Variants in KAT6B observed in about 807,000 individuals in gnomAD.
KAT6B encodes lysine acetyltransferase 6B, also known as histone acetyltransferase KAT6B.
Under a neutral mutation model 187.5 loss-of-function variants are expected in KAT6B, and 10 were observed. That is an observed-to-expected ratio of 0.05 (90% CI 0.03 to 0.09). KAT6B has a LOEUF of 0.09. KAT6B is among the 10% of genes least tolerant of loss of function. KAT6B has a pLI of 1.00. For missense variants in KAT6B, 1,952 were observed against 2,558.9 expected (o/e 0.76, Z 5.12); for synonymous variants, 861 against 926.8 (o/e 0.93, Z 1.29).
In KAT6B at chr10:75,032,160, T is replaced by C. The variant is rs1846357771; in HGVS notation, c.*1114T>C. 5.1e-6 allele frequency: 1 copy of C among 196,068 alleles called. No homozygotes were observed. Among genetic ancestry groups the C allele is most frequent in the Non-Finnish European group, 1.1e-5 (1 of 94,196 alleles). The allele number at this position is 196,068 out of a possible 1,614,324, so 12.1% of individuals were successfully genotyped here. On this transcript the variant is annotated 3_prime_UTR_variant, in exon 18 of 18. Transcript: ENST00000287239. ...GGCCAAGCAGGAGAGGCGTAATCCT[T>C]GTATAAAATAGGATCCAGCGACACT...
intron 10 of KAT6B, among the ~76,000 whole-genome samples, chr10:74,981,338 CCTTTCTTCCTTTCT>C (rs1564603725): frequency 2.0e-5 from 3 of 148,004 alleles, no homozygotes; most frequent in African/African-American, 5.1e-5. Context: ...TTCCTTCCTT[CCTTTCTTCCTTTCT>C]TTCCTTTCTT....
chr10:74,865,809 AC>A (rs1843512935), intron 3 of KAT6B, among the ~76,000 whole-genome samples: 1 of 152,098 alleles, frequency 6.6e-6, no homozygotes, highest in African/African-American at 2.4e-5. Flanking sequence ...GAGCCACTGC[AC>A]CCAGCCCCTG....
Position 74,934,654 on chromosome 10 carries a change from T to C in KAT6B, c.622-25316T>C, listed in dbSNP as rs548775570. Reference sequence around the variant, plus strand: ...CTCCCTCCATTCATTCATTTTCAGTTCCTCTAGGCAGCACCTTCTTCCTTG... The same window carrying C: ...CTCCCTCCATTCATTCATTTTCAGTCCCTCTAGGCAGCACCTTCTTCCTTG... On this transcript the variant is annotated intron_variant, in intron 3 of 17. Coordinates refer to ENST00000287239, the MANE Select transcript of KAT6B (RefSeq NM_012330.4). Among the ~76,000 whole-genome samples, 11 of 152,264 alleles carry C rather than the reference T, an allele frequency of 7.2e-5. No individual in the cohort carries two copies. The South Asian group carries it at 2.3e-3, about 32-fold the overall frequency.
chr10:74,932,838 A>C (rs1312834031), intron 3 of KAT6B, among the ~76,000 whole-genome samples: 3 of 152,138 alleles, frequency 2.0e-5, no homozygotes, highest in Non-Finnish European at 4.4e-5. Flanking sequence ...GAACTCCTGG[A>C]TCCGTGCCAC....
At chr10:74,835,713 G>C (rs1158189311) in intron 1 of KAT6B, among the ~76,000 whole-genome samples, 1 of 152,156 alleles carries the variant, frequency 6.6e-6, no homozygotes, top group Non-Finnish European at 1.5e-5. Context: ...AAAGTTTACT[G>C]ATAATCTATG....
intron 17 of KAT6B, chr10:75,025,578 T>A (rs1423229180): frequency 2.0e-5 from 6 of 294,176 alleles, no homozygotes; most frequent in Non-Finnish European, 3.9e-5. Context: ...TACTTTTTTT[T>A]TTCACATTTA....
Position 75,028,595 on chromosome 10 carries a change from T to C in KAT6B, c.3771T>C (p.Ser1257=), listed in dbSNP as rs770280505. Residue 1257 remains serine, a synonymous_variant, in exon 18 of 18, where the codon TCT becomes TCC. Coordinates refer to ENST00000287239, the MANE Select transcript of KAT6B (RefSeq NM_012330.4). ...CAAAAGGAACAAAGCGCGGTCTATC[T>C]AAGTGGAGGCAAAACAAAGAGAGGA... is the stretch of plus-strand genomic sequence containing the variant. ...VWPKGTKRGL[S]KWRQNKERKT... 1.2e-6 allele frequency: 2 copies of C among 1,614,150 alleles called. No individual in the cohort carries two copies. The highest frequency in any genetic ancestry group is 1.1e-5 in the South Asian group (1 of 91,078).
intron 4 of KAT6B, among the ~76,000 whole-genome samples, chr10:74,968,858 CT>C (rs1841660770): frequency 1.3e-5 from 2 of 152,186 alleles, no homozygotes; most frequent in South Asian, 4.1e-4. Flanking sequence ...TGGCTGGCTC[CT>C]TTGAATGGCA....
chr10:74,948,746 G>A (rs762214261), intron 3 of KAT6B, among the ~76,000 whole-genome samples: 11 of 152,152 alleles, frequency 7.2e-5, no homozygotes, highest in Non-Finnish European at 1.5e-4. Context: ...TTGTTGTTAT[G>A]CCTATCCTTT....
At chr10:74,826,118 C>G (rs1488023949), upstream of KAT6B, among the ~76,000 whole-genome samples, 5 of 146,306 alleles carry the variant, frequency 3.4e-5, no homozygotes, top group African/African-American at 1.3e-4. Context: ...CAAACTTTAG[C>G]TGCGGGCTAG....
At chr10:74,830,981 G>T (rs1265595349) in intron 1 of KAT6B, among the ~76,000 whole-genome samples, 4 of 150,726 alleles carry the variant, frequency 2.7e-5, no homozygotes, top group Admixed American at 6.6e-5. Flanking sequence ...TAGAGATGGG[G>T]TTTTGCCATG....
intron 3 of KAT6B, among the ~76,000 whole-genome samples, chr10:74,939,950 A>T (rs77900726): frequency 2.0e-5 from 3 of 152,202 alleles, no homozygotes; most frequent in African/African-American, 7.2e-5. Context: ...AATAACATCA[A>T]TATTAATTAG....
rs150041251 is a variant in KAT6B, at chr10:74,974,290, T to C, written c.1062-1109T>C. ...TCAACTAACAGCTGAAATCTGGTCA[T>C]TAAATCTTTGTATACAAGATGATCA... On this transcript the variant is annotated intron_variant, in intron 7 of 17. Transcript: ENST00000287239. Among the ~76,000 whole-genome samples, 706 of 152,348 alleles carry C rather than the reference T, an allele frequency of 4.6e-3. 6 individuals are homozygous for C. Among genetic ancestry groups the C allele is most frequent in the African/African-American group, 0.016 (675 of 41,578 alleles).
intron 13 of KAT6B, among the ~76,000 whole-genome samples, chr10:75,014,629 A>G (rs1844855539): frequency 6.6e-6 from 1 of 152,216 alleles, no homozygotes; most frequent in Non-Finnish European, 1.5e-5. Context: ...TTTAAAGTAT[A>G]AACCATTGCT....
chr10:74,942,680 G>A (rs920257789), intron 3 of KAT6B, among the ~76,000 whole-genome samples: 14 of 144,776 alleles, frequency 9.7e-5, no homozygotes, highest in Admixed American at 2.1e-4. Flanking sequence ...CAGGAGAATC[G>A]CTTGAACCCG....
chr10:74,901,855 T>C (rs912523977), intron 3 of KAT6B, among the ~76,000 whole-genome samples: 3 of 152,190 alleles, frequency 2.0e-5, no homozygotes, highest in African/African-American at 7.2e-5. Context: ...TTTAGACATA[T>C]AGAAGTAATG....
rs570217905 is a variant in KAT6B at position 74,974,397 on chromosome 10, C to T, written c.1062-1002C>T. On this transcript the variant is annotated intron_variant, in intron 7 of 17. Transcript: ENST00000287239. ...TATCTTTTTAAGGCTTTCATTTTGT[C>T]ATTATTCACCTTTAGCTAAATTGAT... Among the ~76,000 whole-genome samples, 29 of 152,242 alleles carry T rather than the reference C, an allele frequency of 1.9e-4. 1 individual carries two copies. The highest frequency in any genetic ancestry group is 1.6e-3 in the Admixed American group (25 of 15,294).
intron 3 of KAT6B, among the ~76,000 whole-genome samples, chr10:74,871,996 A>T (rs1589518772): frequency 6.6e-6 from 1 of 152,238 alleles, no homozygotes; most frequent in East Asian, 1.9e-4. Flanking sequence ...CAGGTCCTTT[A>T]AAAATCAAAG....
chr10:74,931,940 G>A (rs1379003082), intron 3 of KAT6B, among the ~76,000 whole-genome samples: 1 of 152,172 alleles, frequency 6.6e-6, no homozygotes, highest in African/African-American at 2.4e-5. Context: ...TCAAACTCCC[G>A]ATCTCAAGTA....
Sources: allele counts gnomAD v4.1 joint callset (sites outside exome capture counted in the v4.1 genomes callset), GRCh38; gene constraint gnomAD v4.1.1; transcripts MANE v1.5; gene names NCBI Gene and HGNC (gene_info 2026-07-23, HGNC 2026-07-21).